Variants in SUPT3H observed in about 807,000 individuals in gnomAD.
SUPT3H encodes SPT3 homolog, SAGA and STAGA complex component, also known as transcription initiation protein SPT3 homolog.
A neutral mutation model predicts 44.3 loss-of-function variants in SUPT3H; 44 were observed. The ratio of observed to expected loss-of-function variants is 0.99; its 90% CI spans 0.78 to 1.28. The LOEUF (loss-of-function observed/expected upper bound fraction) is 1.28, where lower values mean the gene tolerates loss of function less well. Ranked by LOEUF, SUPT3H falls within the 50% of genes most tolerant of loss-of-function variation. The pLI is 0.00. For synonymous variants in SUPT3H, 124 were observed against 125.6 expected (o/e 0.99, Z 0.09); for missense variants, 380 against 387.1 (o/e 0.98, Z 0.15).
At chr6:44,984,486 A>G (rs943164517) in intron 6 of SUPT3H, among the ~76,000 whole-genome samples, 1 of 152,172 alleles carries the variant, frequency 6.6e-6, no homozygotes, top group African/African-American at 2.4e-5. Context: ...ACATCCTTAT[A>G]AAATGAGAAA....
chr6:45,029,360 TAC>T (rs1490382193), intron 3 of SUPT3H, among the ~76,000 whole-genome samples: 3 of 149,946 alleles, frequency 2.0e-5, no homozygotes, highest in Non-Finnish European at 3.0e-5. Context: ...TATATATATA[TAC>T]ATATTCTTTA....
At chr6:45,246,940 T>A (rs9472453) in intron 2 of SUPT3H, among the ~76,000 whole-genome samples, 129,300 of 152,124 alleles carry the variant, frequency 0.85, 55,188 homozygotes, top group African/African-American at 0.89. Context: ...TAAGAAGTAA[T>A]CCTAGAGTAA....
chr6:45,315,211 T>C (rs746376730), intron 2 of SUPT3H, among the ~76,000 whole-genome samples: 5 of 152,026 alleles, frequency 3.3e-5, no homozygotes, highest in Non-Finnish European at 7.4e-5. Flanking sequence ...AAAACCCTTC[T>C]AGACATTGCC....
intron 2 of SUPT3H, among the ~76,000 whole-genome samples, chr6:45,274,576 C>T (rs1776712171): frequency 6.6e-6 from 1 of 152,160 alleles, no homozygotes; most frequent in South Asian, 2.1e-4. Context: ...TATTTCAGAA[C>T]CTTTATCAAA....
At chr6:45,120,160 T>TA (rs887535284) in intron 2 of SUPT3H, among the ~76,000 whole-genome samples, 8 of 150,968 alleles carry the variant, frequency 5.3e-5, no homozygotes, top group South Asian at 2.1e-4. Flanking sequence ...GACTGCAAAC[T>TA]AAAAAAAACA....
chr6:45,319,904 C>A (rs904660716), intron 2 of SUPT3H, among the ~76,000 whole-genome samples: 1 of 152,018 alleles, frequency 6.6e-6, no homozygotes, highest in Non-Finnish European at 1.5e-5. Context: ...ATAATAAGTA[C>A]ATAAATCTTA....
intron 5 of SUPT3H, among the ~76,000 whole-genome samples, chr6:45,009,753 G>A (rs1439137320): frequency 6.6e-6 from 1 of 152,054 alleles, no homozygotes; most frequent in Non-Finnish European, 1.5e-5. Flanking sequence ...TGAGTCCTCT[G>A]ACTTTATTCT....
chr6:45,173,308 G>A (rs1458574325), intron 2 of SUPT3H, among the ~76,000 whole-genome samples: 1 of 152,090 alleles, frequency 6.6e-6, no homozygotes, highest in East Asian at 1.9e-4. Context: ...CAAAGGTAAC[G>A]TGGTAACCAT....
chr6:45,048,379 G>A (rs1010715269), intron 3 of SUPT3H, among the ~76,000 whole-genome samples: 1 of 151,784 alleles, frequency 6.6e-6, no homozygotes, highest in Non-Finnish European at 1.5e-5. Context: ...TTTTCTTCTA[G>A]TAGTTTTACA....
At chr6:45,328,248 A>G (rs1039623070) in intron 2 of SUPT3H, 3 of 1,323,550 alleles carry the variant, frequency 2.3e-6, no homozygotes, top group Admixed American at 4.2e-5. Flanking sequence ...CACAAACCAC[A>G]TGATTCTGCC....
chr6:45,136,810 C>G (rs1193550090), intron 2 of SUPT3H, among the ~76,000 whole-genome samples: 1 of 151,940 alleles, frequency 6.6e-6, no homozygotes, highest in South Asian at 2.1e-4. Flanking sequence ...TCTGGACACA[C>G]AAGTGTACCA....
intron 10 of SUPT3H, among the ~76,000 whole-genome samples, chr6:44,861,871 C>T (rs1465890517): frequency 6.6e-6 from 1 of 152,140 alleles, no homozygotes; most frequent in African/African-American, 2.4e-5. Context: ...GGCAGTTCTG[C>T]TTTGATCTGA....
intron 2 of SUPT3H, among the ~76,000 whole-genome samples, chr6:45,208,118 C>T (rs1763482697): frequency 6.6e-6 from 1 of 152,146 alleles, no homozygotes; most frequent in African/African-American, 2.4e-5. Flanking sequence ...AATAAGAAAG[C>T]AAAACAACTT....
At chr6:45,179,478 A>C (rs532091883) in intron 2 of SUPT3H, among the ~76,000 whole-genome samples, 84 of 152,344 alleles carry the variant, frequency 5.5e-4, no homozygotes, top group South Asian at 5.4e-3. Context: ...AAAAATCCTC[A>C]ATAAAATACT....
At chr6:44,899,152 C>T (rs1167589819) in intron 10 of SUPT3H, 4 of 152,078 alleles carry the variant, frequency 2.6e-5, no homozygotes, top group Non-Finnish European at 4.4e-5. Flanking sequence ...ATTTTGTCTA[C>T]TGAAAAAAAG....
chr6:45,178,154 T>G (rs760586768), intron 2 of SUPT3H, among the ~76,000 whole-genome samples: 14 of 152,126 alleles, frequency 9.2e-5, no homozygotes, highest in Non-Finnish European at 1.8e-4. Flanking sequence ...GACCCATCAG[T>G]GTGCTGTATT....
chr6:45,283,223 T>C (rs1343342177), intron 2 of SUPT3H, among the ~76,000 whole-genome samples: 3 of 152,058 alleles, frequency 2.0e-5, no homozygotes, highest in Non-Finnish European at 4.4e-5. Context: ...AGGATCAAAT[T>C]CACACATAAC....
chr6:45,219,588 ATGGATAATATGAAC>A (rs1765658446), intron 2 of SUPT3H, among the ~76,000 whole-genome samples: 1 of 152,180 alleles, frequency 6.6e-6, no homozygotes, highest in African/African-American at 2.4e-5. Context: ...CCAGTGTGAA[ATGGATAATATGAAC>A]TGTCCTATAA....
At chr6:45,322,014 A>G in intron 2 of SUPT3H, 1 of 600,852 alleles carries the variant, frequency 1.7e-6, no homozygotes, top group Non-Finnish European at 2.9e-6. Context: ...AGAAGTTTTA[A>G]TATTGTTAAT....
Sources: allele counts gnomAD v4.1 joint callset (sites outside exome capture counted in the v4.1 genomes callset), GRCh38; gene constraint gnomAD v4.1.1; transcripts MANE v1.5; gene names NCBI Gene and HGNC (gene_info 2026-07-23, HGNC 2026-07-21).